The following EYS variants were observed in gnomAD, a reference collection of about 807,000 sequenced individuals.
EYS encodes EGF-like photoreceptor maintenance factor.
In EYS, 250 loss-of-function variants were observed where a neutral mutation model predicts 282.1. The ratio of observed to expected loss-of-function variants is 0.89; its 90% CI spans 0.80 to 0.98. The LOEUF is 0.98. Ranked by LOEUF, EYS falls within the 50% of genes least tolerant of loss-of-function variation. The pLI is 0.00. For synonymous variants in EYS, 1,355 were observed against 1,282.9 expected (o/e 1.06, Z -1.20); for missense variants, 4,016 against 3,709.0 (o/e 1.08, Z -2.15).
chr6:64,123,347 A>G (rs937858461), intron 31 of EYS, among the ~76,000 whole-genome samples: 1 of 152,190 alleles, frequency 6.6e-6, no homozygotes, highest in Admixed American at 6.5e-5. Context: ...ATTTTCCTGT[A>G]TGAGGTCAAA....
At chr6:64,690,281 C>T (rs1000795768) in intron 22 of EYS, among the ~76,000 whole-genome samples, 16 of 152,008 alleles carry the variant, frequency 1.1e-4, no homozygotes, top group Non-Finnish European at 5.9e-5. Flanking sequence ...CGACGAGATA[C>T]CATCTCACAC....
chr6:63,907,387 T>G (rs1263576565), intron 35 of EYS, among the ~76,000 whole-genome samples: 2 of 152,122 alleles, frequency 1.3e-5, no homozygotes, highest in African/African-American at 4.8e-5. Context: ...TCCCCCATGA[T>G]CCAAATCACT....
rs979807511 is a variant in EYS at position 64,958,423 on chromosome 6, G to A, written c.2260-12509C>T. 1.7e-4 allele frequency among the ~76,000 whole-genome samples: 26 copies of A among 151,546 alleles called. 1 individual carries two copies. The East Asian group carries it at 4.9e-3, about 29-fold the overall frequency. On this transcript the variant is annotated intron_variant, in intron 14 of 42. Coordinates refer to ENST00000503581, the MANE Select transcript of EYS (RefSeq NM_001142800.2). Reference sequence around the variant, plus strand: ...AAAACAAACAAATTTAATGTCATCTGAATCTAAACCTCACTTTCACAGAGA... The same window carrying A: ...AAAACAAACAAATTTAATGTCATCTAAATCTAAACCTCACTTTCACAGAGA...
At position 64,905,528 on chromosome 6, in the gene EYS, C is replaced by T. The variant is rs887529549; in HGVS notation, c.2642-3028G>A. ...CTGTCTCGTCTGTGTATGGCTATAACAAATACACACGAATGGTCAGTAAAT... is the reference window on the plus strand; with the variant it reads ...CTGTCTCGTCTGTGTATGGCTATAATAAATACACACGAATGGTCAGTAAAT... On this transcript the variant is annotated intron_variant, in intron 16 of 42. Transcript: ENST00000503581. 4.6e-5 allele frequency among the ~76,000 whole-genome samples: 7 copies of T among 152,270 alleles called. No individual in the cohort carries two copies. The East Asian group carries it at 1.4e-3, about 29-fold the overall frequency.
At chr6:64,744,541 G>A (rs954350830) in intron 22 of EYS, among the ~76,000 whole-genome samples, 3 of 151,972 alleles carry the variant, frequency 2.0e-5, no homozygotes, top group Admixed American at 6.6e-5. Context: ...CAGAATTTAC[G>A]GAAGTAGACT....
chr6:65,520,308 C>A (rs1344757387), intron 2 of EYS, among the ~76,000 whole-genome samples: 1 of 151,994 alleles, frequency 6.6e-6, no homozygotes, highest in Non-Finnish European at 1.5e-5. Flanking sequence ...TTGATTTCCA[C>A]AAAATTTATA....
At chr6:65,031,922 A>G (rs1772616883) in intron 13 of EYS, among the ~76,000 whole-genome samples, 1 of 152,154 alleles carries the variant, frequency 6.6e-6, no homozygotes. Flanking sequence ...TACAAAAGAT[A>G]AACAAAACCC....
intron 12 of EYS, among the ~76,000 whole-genome samples, chr6:65,080,557 T>C (rs1320241817): frequency 2.6e-5 from 4 of 152,082 alleles, no homozygotes; most frequent in Non-Finnish European, 5.9e-5. Context: ...CATTTGGCAT[T>C]GTCTCAATAT....
chr6:65,647,270 A>G (rs1767484492), intron 1 of EYS, among the ~76,000 whole-genome samples: 1 of 152,220 alleles, frequency 6.6e-6, no homozygotes, highest in Non-Finnish European at 1.5e-5. Context: ...ACACTATACT[A>G]TAAAGCCATA....
intron 29 of EYS, among the ~76,000 whole-genome samples, chr6:64,351,428 T>C (rs930325474): frequency 6.6e-6 from 1 of 151,440 alleles, no homozygotes; most frequent in African/African-American, 2.4e-5. Context: ...TATCTATCTA[T>C]GCATCCATCT....
chr6:65,122,573 C>T (rs969448419), intron 12 of EYS, among the ~76,000 whole-genome samples: 3 of 151,896 alleles, frequency 2.0e-5, no homozygotes, highest in Non-Finnish European at 4.4e-5. Context: ...AAGTGTGGTC[C>T]CATTAATGTT....
chr6:64,028,274 C>A (rs1290417326), intron 33 of EYS, among the ~76,000 whole-genome samples: 1 of 152,202 alleles, frequency 6.6e-6, no homozygotes, highest in African/African-American at 2.4e-5. Flanking sequence ...AAGATCCCAC[C>A]ACTTTTCCTT....
chr6:65,295,689 A>G (rs1184128086), intron 12 of EYS, 174 bp downstream of exon 12: 3 of 621,358 alleles, frequency 4.8e-6, no homozygotes, highest in Non-Finnish European at 8.1e-6. Context: ...TTGCCCAAAG[A>G]AGCAATCCTA....
intron 1 of EYS, among the ~76,000 whole-genome samples, chr6:65,700,637 T>A (rs1279726967): frequency 6.6e-6 from 1 of 152,208 alleles, no homozygotes; most frequent in Non-Finnish European, 1.5e-5. Flanking sequence ...TCAGGCATAC[T>A]TTTTTACATT....
At chr6:64,304,852 T>C (rs1582567605) in intron 30 of EYS, among the ~76,000 whole-genome samples, 1 of 152,134 alleles carries the variant, frequency 6.6e-6, no homozygotes, top group African/African-American at 2.4e-5. Context: ...CACCAAAATG[T>C]ACGAGATGCA....
At chr6:63,988,039 G>T (rs1456031484) in intron 34 of EYS, among the ~76,000 whole-genome samples, 1 of 151,448 alleles carries the variant, frequency 6.6e-6, no homozygotes, top group East Asian at 2.0e-4. Context: ...TCTTATTTAG[G>T]TCCCAGAGGG....
chr6:64,274,633 C>A (rs552876896), intron 30 of EYS, among the ~76,000 whole-genome samples: 1 of 152,118 alleles, frequency 6.6e-6, no homozygotes, highest in East Asian at 1.9e-4. Context: ...CAGATGTCAG[C>A]CCAGAATTCC....
At chr6:64,535,589 AAAT>A (rs1457711738) in intron 26 of EYS, among the ~76,000 whole-genome samples, 1 of 151,050 alleles carries the variant, frequency 6.6e-6, no homozygotes, top group Admixed American at 6.6e-5. Flanking sequence ...AAAAAAAAAA[AAAT>A]CAGCCAGTGT....
chr6:65,419,041 T>C (rs1767352698), intron 5 of EYS, among the ~76,000 whole-genome samples: 2 of 151,958 alleles, frequency 1.3e-5, no homozygotes, highest in African/African-American at 4.8e-5. Flanking sequence ...TAGTCATTTC[T>C]CTGGGAGAAT....
Sources: allele counts gnomAD v4.1 joint callset (sites outside exome capture counted in the v4.1 genomes callset), GRCh38; gene constraint gnomAD v4.1.1; transcripts MANE v1.5; gene names NCBI Gene and HGNC (gene_info 2026-07-23, HGNC 2026-07-21).